The following ADIPOR2 variants were observed in gnomAD, a reference collection of about 807,000 sequenced individuals.
ADIPOR2 encodes adiponectin receptor 2.
Under a neutral mutation model 40.9 loss-of-function variants are expected in ADIPOR2, and 18 were observed. That is an observed-to-expected ratio of 0.44 (90% CI 0.30 to 0.65). The LOEUF is 0.65. Among genes scored for constraint, ADIPOR2 ranks in the 30% least tolerant of loss-of-function variants. The pLI is 0.09. For synonymous variants in ADIPOR2, 165 were observed against 166.4 expected (o/e 0.99, Z 0.06); for missense variants, 283 against 479.2 (o/e 0.59, Z 3.82).
At chr12:1,718,368 A>G (rs902996459) in intron 1 of ADIPOR2, among the ~76,000 whole-genome samples, 2 of 152,196 alleles carry the variant, frequency 1.3e-5, no homozygotes, top group Non-Finnish European at 2.9e-5. Context: ...CCTCAGAGAA[A>G]GTCCAGCATC....
intron 1 of ADIPOR2, among the ~76,000 whole-genome samples, chr12:1,732,668 A>C (rs2094722822): frequency 6.6e-6 from 1 of 152,202 alleles, no homozygotes; most frequent in Admixed American, 6.5e-5. Flanking sequence ...TCATTTGGGT[A>C]AATTGTATGC....
chr12:1,693,842 G>A (rs536871132), intron 1 of ADIPOR2, among the ~76,000 whole-genome samples: 1 of 152,090 alleles, frequency 6.6e-6, no homozygotes, highest in South Asian at 2.1e-4. Context: ...CCTGTAATCT[G>A]CTTTTTTAAG....
At position 1,712,248 on chromosome 12, in the gene ADIPOR2, G is replaced by A. The variant is rs191474666; in HGVS notation, c.-87+21057G>A. 2.6e-5 allele frequency among the ~76,000 whole-genome samples: 4 copies of A among 152,182 alleles called. No individual in the cohort carries two copies. The East Asian group carries it at 5.8e-4, about 22-fold the overall frequency. On this transcript the variant is annotated intron_variant, in intron 1 of 7. Transcript: ENST00000357103. Reference sequence around the variant, plus strand: ...TGCTCGATTGGTTCCCCATCCTCTGGGAGAAAAGTGGCAGGGTTGAGAGCC... The same window carrying A: ...TGCTCGATTGGTTCCCCATCCTCTGAGAGAAAAGTGGCAGGGTTGAGAGCC...
At chr12:1,754,569 G>A in intron 2 of ADIPOR2, 55 bp downstream of exon 2, 1 of 1,528,716 alleles carries the variant, frequency 6.5e-7, no homozygotes, top group South Asian at 1.3e-5. Context: ...GGAAGTGGCA[G>A]AGGGAGGATA....
chr12:1,703,362 A>G (rs1201625246), intron 1 of ADIPOR2, among the ~76,000 whole-genome samples: 2 of 152,214 alleles, frequency 1.3e-5, no homozygotes, highest in East Asian at 3.8e-4. Context: ...AATATATAAT[A>G]GTTGCCACTG....
At chr12:1,739,046 A>G (rs1565643980) in intron 1 of ADIPOR2, among the ~76,000 whole-genome samples, 1 of 152,214 alleles carries the variant, frequency 6.6e-6, no homozygotes. Flanking sequence ...CTTTAAAAAA[A>G]CTTCAAAAAA....
intron 1 of ADIPOR2, among the ~76,000 whole-genome samples, chr12:1,712,435 C>T (rs1300874009): frequency 6.6e-6 from 1 of 152,060 alleles, no homozygotes; most frequent in Admixed American, 6.5e-5. Flanking sequence ...TTTTGATAGC[C>T]TCTGATATAA....
chr12:1,702,808 T>A (rs2094653151), intron 1 of ADIPOR2: 1 of 152,244 alleles, frequency 6.6e-6, no homozygotes, highest in Non-Finnish European at 1.5e-5. Context: ...TTGTTTGTGT[T>A]TTATTTAAGA....
chr12:1,735,954 C>A (rs989322768), intron 1 of ADIPOR2, among the ~76,000 whole-genome samples: 1 of 152,156 alleles, frequency 6.6e-6, no homozygotes, highest in Admixed American at 6.5e-5. Flanking sequence ...CCCACTTGAT[C>A]ATGGTGGATA....
At chr12:1,724,226 C>T (rs1391041652) in intron 1 of ADIPOR2, among the ~76,000 whole-genome samples, 1 of 152,128 alleles carries the variant, frequency 6.6e-6, no homozygotes, top group African/African-American at 2.4e-5. Flanking sequence ...CGTGATCCAC[C>T]TGCCTTGGCC....
intron 1 of ADIPOR2, among the ~76,000 whole-genome samples, chr12:1,721,564 G>T (rs1008265664): frequency 1.2e-4 from 19 of 152,074 alleles, no homozygotes; most frequent in Admixed American, 1.1e-3. Context: ...AAATTTTCAG[G>T]GTTCACAGAG....
intron 3 of ADIPOR2, among the ~76,000 whole-genome samples, chr12:1,777,288 CAA>C (rs2154444318): frequency 6.6e-6 from 1 of 151,660 alleles, no homozygotes; most frequent in South Asian, 2.1e-4. Context: ...CAGGTTGAAA[CAA>C]AGTTTGAAAC....
intron 3 of ADIPOR2, among the ~76,000 whole-genome samples, chr12:1,777,267 CCA>C (rs1359546856): frequency 6.6e-6 from 1 of 152,076 alleles, no homozygotes; most frequent in Non-Finnish European, 1.5e-5. Flanking sequence ...AACCTTCATC[CCA>C]CCATTAGCCA....
chr12:1,700,715 CCT>C (rs2094648357), intron 1 of ADIPOR2, among the ~76,000 whole-genome samples: 1 of 151,370 alleles, frequency 6.6e-6, no homozygotes, highest in Non-Finnish European at 1.5e-5. Flanking sequence ...GGGGTGAAAT[CCT>C]CTCTTCACAG....
intron 1 of ADIPOR2, among the ~76,000 whole-genome samples, chr12:1,698,688 C>T (rs551353431): frequency 6.6e-6 from 1 of 152,072 alleles, no homozygotes; most frequent in South Asian, 2.1e-4. Context: ...TGTAAATTGC[C>T]CATACATTTT....
intron 1 of ADIPOR2, among the ~76,000 whole-genome samples, chr12:1,730,143 A>G (rs1345647573): frequency 6.6e-6 from 1 of 152,072 alleles, no homozygotes; most frequent in Admixed American, 6.6e-5. Context: ...AGCTGGGGGA[A>G]TTCTTAGGCA....
intron 1 of ADIPOR2, among the ~76,000 whole-genome samples, chr12:1,726,426 G>C (rs932850014): frequency 6.6e-6 from 1 of 152,152 alleles, no homozygotes; most frequent in African/African-American, 2.4e-5. Flanking sequence ...TCGAACTCCT[G>C]CCCTCAGGTT....
In ADIPOR2 at chr12:1,786,061, G is replaced by A. The variant is rs746469299; in HGVS notation, c.1150G>A (p.Asp384Asn). 3.7e-6 allele frequency: 6 copies of A among 1,613,676 alleles called. No individual in the cohort carries two copies. In the East Asian group the frequency reaches 1.1e-4, roughly 30 times the overall value. ...FMIGGGCSEE[D>N]AL Reference sequence around the variant, plus strand: ...GATCGGCGGGGGCTGCAGTGAAGAGGATGCACTGTGATACCTACCAGTCTC... The same window carrying A: ...GATCGGCGGGGGCTGCAGTGAAGAGAATGCACTGTGATACCTACCAGTCTC... Residue 384 changes from aspartate (D) to asparagine (N), a missense_variant, in exon 8 of 8, where the codon GAT becomes AAT. This residue lies in a region of ADIPOR2 where 106 missense variants were observed against 149.7 expected (regional missense o/e 0.71). Coordinates refer to ENST00000357103, the MANE Select transcript of ADIPOR2 (RefSeq NM_024551.3).
intron 1 of ADIPOR2, among the ~76,000 whole-genome samples, chr12:1,737,559 T>TC (rs1565643436): frequency 6.6e-6 from 1 of 152,270 alleles, no homozygotes; most frequent in East Asian, 1.9e-4. Flanking sequence ...TTGCTAATCT[T>TC]CCTGTAGTTG....
Sources: allele counts gnomAD v4.1 joint callset (sites outside exome capture counted in the v4.1 genomes callset), GRCh38; gene constraint gnomAD v4.1.1; regional missense constraint gnomAD v4.1.1; transcripts MANE v1.5; gene names NCBI Gene and HGNC (gene_info 2026-07-23, HGNC 2026-07-21).